The following RALGAPB variants were observed in gnomAD, a reference collection of about 807,000 sequenced individuals.
RALGAPB encodes ral GTPase-activating protein subunit beta.
In RALGAPB, 25 loss-of-function variants were observed where a neutral mutation model predicts 161.1. The ratio of observed to expected loss-of-function variants is 0.16; its 90% CI spans 0.11 to 0.22. RALGAPB has a LOEUF of 0.22. Ranked by LOEUF, RALGAPB falls within the 10% of genes least tolerant of loss-of-function variation. The pLI is 1.00. For synonymous variants in RALGAPB, 629 were observed against 626.1 expected (o/e 1.00, Z -0.07); for missense variants, 1,391 against 1,815.2 (o/e 0.77, Z 4.25).
In RALGAPB at chr20:38,538,413, C is replaced by A. The variant is rs192025861; in HGVS notation, c.2380-1363C>A. 8.9e-5 allele frequency: 16 copies of A among 179,676 alleles called. No homozygotes were observed. In the East Asian group the frequency reaches 2.0e-3, roughly 23 times the overall value. 11.1% of individuals were successfully genotyped at this position (179,676 alleles called of 1,614,324 possible). On this transcript the variant is annotated intron_variant, in intron 16 of 29. Coordinates refer to ENST00000262879, the MANE Select transcript of RALGAPB (RefSeq NM_020336.4). ...AAGATGAGATACTATTCGCCATGCC[C>A]ATCTCAGGACAGATGGTTAGGAAGC...
intron 2 of RALGAPB, among the ~76,000 whole-genome samples, chr20:38,490,443 C>T (rs550877349): frequency 2.6e-5 from 4 of 151,730 alleles, no homozygotes; most frequent in Admixed American, 6.6e-5. Context: ...CTCCTGACCT[C>T]GTGATCTGCC....
At chr20:38,498,069 CA>C (rs11481813) in intron 4 of RALGAPB, among the ~76,000 whole-genome samples, 32 of 123,818 alleles carry the variant, frequency 2.6e-4, no homozygotes, top group African/African-American at 2.6e-4. Flanking sequence ...GACTCTGTCT[CA>C]AAAAAAAAAA....
At chr20:38,504,049 C>G (rs1225342666) in intron 5 of RALGAPB, among the ~76,000 whole-genome samples, 1 of 152,192 alleles carries the variant, frequency 6.6e-6, no homozygotes, top group African/African-American at 2.4e-5. Flanking sequence ...ACTACCAGTG[C>G]CATTTTTTCA....
chr20:38,508,216 G>A (rs1396645083), intron 5 of RALGAPB, among the ~76,000 whole-genome samples: 1 of 151,816 alleles, frequency 6.6e-6, no homozygotes, highest in Non-Finnish European at 1.5e-5. Context: ...AAATGTCACA[G>A]AAAGACATTT....
chr20:38,572,916 A>G (rs865990466), intron 28 of RALGAPB, among the ~76,000 whole-genome samples: 72 of 152,120 alleles, frequency 4.7e-4, no homozygotes, highest in South Asian at 4.1e-4. Flanking sequence ...AGGACTATAT[A>G]TCTGGTTTTA....
Position 38,497,644 on chromosome 20 carries a change from G to A in RALGAPB, c.553+128G>A, listed in dbSNP as rs935498720. ...GATGGTTTACAAACAAAGGTTAACA[G>A]TTCTTAGAATGGAAACTCTCAGGCA... On this transcript the variant is annotated intron_variant, in intron 4 of 29. Coordinates refer to ENST00000262879, the MANE Select transcript of RALGAPB (RefSeq NM_020336.4). 5 of 1,011,994 alleles carry A rather than the reference G, an allele frequency of 4.9e-6. No homozygotes were observed. In the Middle Eastern group the frequency reaches 6.9e-4, roughly 141 times the overall value. The allele number at this position is 1,011,994 out of a possible 1,614,324, so 62.7% of individuals were successfully genotyped here.
intron 6 of RALGAPB, among the ~76,000 whole-genome samples, chr20:38,511,678 G>A (rs1051890515): frequency 1.1e-4 from 17 of 152,190 alleles, no homozygotes; most frequent in Non-Finnish European, 2.5e-4. Flanking sequence ...GCATCCCAAG[G>A]CAGAAGAATT....
chr20:38,566,000 T>C (rs2087983567), intron 25 of RALGAPB, among the ~76,000 whole-genome samples: 1 of 152,222 alleles, frequency 6.6e-6, no homozygotes, highest in South Asian at 2.1e-4. Flanking sequence ...CTCACAGTTT[T>C]ATTTTGCCCA....
At chr20:38,542,488 A>G (rs2087003321) in intron 18 of RALGAPB, among the ~76,000 whole-genome samples, 1 of 151,608 alleles carries the variant, frequency 6.6e-6, no homozygotes, top group South Asian at 2.1e-4. Flanking sequence ...ATAGCTAGAA[A>G]ATTAAAAAAA....
intron 24 of RALGAPB, among the ~76,000 whole-genome samples, chr20:38,564,657 G>A (rs1024139044): frequency 6.6e-6 from 1 of 152,088 alleles, no homozygotes; most frequent in African/African-American, 2.4e-5. Flanking sequence ...TGTTAATTCA[G>A]TCTTCCTGGC....
At chr20:38,538,115 G>C (rs2086862372) in intron 16 of RALGAPB, 1 of 161,560 alleles carries the variant, frequency 6.2e-6, no homozygotes, top group African/African-American at 2.4e-5. Flanking sequence ...TCTGTAGTGT[G>C]CTGTGGTTCA....
chr20:38,485,460 T>A (rs1300932188), intron 1 of RALGAPB, among the ~76,000 whole-genome samples: 1 of 152,166 alleles, frequency 6.6e-6, no homozygotes, highest in East Asian at 1.9e-4. Context: ...GGAGTCTTGC[T>A]CTTGTCACCC....
At chr20:38,539,717 T>G in intron 16 of RALGAPB, 59 bp from the exon 17 acceptor site, 9 of 1,549,810 alleles carry the variant, frequency 5.8e-6, no homozygotes, top group South Asian at 1.2e-5. Flanking sequence ...GCAAATGCTT[T>G]GAAATTGGTA....
At position 38,577,911 on chromosome 20, in the gene RALGAPB, A is replaced by C. The variant is rs45462801; in HGVS notation, c.*2944A>C. 86 of 152,262 alleles carry C rather than the reference A, an allele frequency of 5.6e-4. No homozygotes were observed. Among genetic ancestry groups the C allele is most frequent in the African/African-American group, 2.0e-3 (81 of 41,532 alleles). 9.4% of individuals were successfully genotyped at this position (152,262 alleles called of 1,614,324 possible). A position where few individuals can be genotyped will look rare whatever the true frequency, so the allele number is the denominator to read the frequency against. ...CGGTTACCTTCTCCATACACTAGGG[A>C]AGCATTTGTCAGACTCTGCAGACTG... On this transcript the variant is annotated 3_prime_UTR_variant, in exon 30 of 30. Transcript: ENST00000262879.
chr20:38,523,766 G>GT (rs1274573706), intron 10 of RALGAPB, among the ~76,000 whole-genome samples: 1 of 152,186 alleles, frequency 6.6e-6, no homozygotes, highest in Non-Finnish European at 1.5e-5. Context: ...AACTAAGGTT[G>GT]TCAGACTGAG....
At position 38,492,274 on chromosome 20, in the gene RALGAPB, G is replaced by A. The variant is rs117387564; in HGVS notation, c.187-656G>A. 9.0e-3 allele frequency among the ~76,000 whole-genome samples: 1,368 copies of A among 152,274 alleles called. 10 individuals carry two copies. Among genetic ancestry groups the A allele is most frequent in the Non-Finnish European group, 0.015 (1,052 of 68,026 alleles). On this transcript the variant is annotated intron_variant, in intron 2 of 29. Transcript: ENST00000262879. ...CTGCCGGCAGCCTAGTGGTTCAGCCGTCTCTTAGGCAAGTTCTCTCAGTCC... is the reference window on the plus strand; with the variant it reads ...CTGCCGGCAGCCTAGTGGTTCAGCCATCTCTTAGGCAAGTTCTCTCAGTCC...
rs372101554 is a variant in RALGAPB, at chr20:38,559,720, A to G, written c.3531+1267A>G. Reference sequence around the variant, plus strand: ...AAAACAAAACAAAACAGAAGGACTAAGTAAAACATACCTGGATACGTGGAA... The same window carrying G: ...AAAACAAAACAAAACAGAAGGACTAGGTAAAACATACCTGGATACGTGGAA... On this transcript the variant is annotated intron_variant, in intron 23 of 29. Coordinates refer to ENST00000262879, the MANE Select transcript of RALGAPB (RefSeq NM_020336.4). 2.2e-4 allele frequency among the ~76,000 whole-genome samples: 34 copies of G among 152,304 alleles called. No homozygotes were observed. The East Asian group carries it at 3.3e-3, about 15-fold the overall frequency.
chr20:38,578,172 C>A lies in RALGAPB; in HGVS notation c.*3205C>A, dbSNP rs1448382965. 6 of 152,212 alleles carry A rather than the reference C, an allele frequency of 3.9e-5. No homozygotes were observed. In the East Asian group the frequency reaches 1.2e-3, roughly 29 times the overall value. 9.4% of individuals were successfully genotyped at this position (152,212 alleles called of 1,614,324 possible). ...TCAGGTTCTCTCTTCCTGAAAAGAA[C>A]TGATTGCTGTGTTTACATGAAATGA... On this transcript the variant is annotated 3_prime_UTR_variant, in exon 30 of 30. Coordinates refer to ENST00000262879, the MANE Select transcript of RALGAPB (RefSeq NM_020336.4).
chr20:38,560,994 G>GA (rs2087765862), intron 23 of RALGAPB, among the ~76,000 whole-genome samples: 1 of 152,244 alleles, frequency 6.6e-6, no homozygotes, highest in Non-Finnish European at 1.5e-5. Context: ...ATAAGAATGT[G>GA]AAGGGATATG....
Sources: gnomAD v4.1 joint callset for allele counts (sites outside exome capture counted in the v4.1 genomes callset) on GRCh38, gnomAD v4.1.1 for gene constraint, MANE v1.5 for transcripts, NCBI Gene and HGNC (gene_info 2026-07-23, HGNC 2026-07-21) for gene names.